The following C12orf42 variants were observed in gnomAD, a reference collection of about 807,000 sequenced individuals.
C12orf42 encodes chromosome 12 open reading frame 42, also known as uncharacterized protein C12orf42.
A neutral mutation model predicts 21.6 loss-of-function variants in C12orf42; 25 were observed. That is an observed-to-expected ratio of 1.16 (90% CI 0.84 to 1.62). The LOEUF is 1.62. C12orf42 is among the 40% of genes most tolerant of loss of function. C12orf42 has a pLI of 0.00. For missense variants in C12orf42, 483 were observed against 459.3 expected (o/e 1.05, Z -0.47); for synonymous variants, 174 against 175.0 (o/e 0.99, Z 0.05).
At chr12:103,113,997 C>A in the C12orf42 span, among the ~76,000 whole-genome samples, 7 of 152,032 alleles carry the variant, frequency 4.6e-5, no homozygotes, top group African/African-American at 1.4e-4. Flanking sequence ...TATAGTTTTT[C>A]TTTAAATAGA....
At chr12:103,373,318 C>T (rs868846126) in intron 3 of C12orf42, among the ~76,000 whole-genome samples, 55 of 152,262 alleles carry the variant, frequency 3.6e-4, no homozygotes, top group African/African-American at 1.1e-3. Context: ...CGTGTGCTAT[C>T]GGCTGTAGAT....
chr12:103,407,615 G>C (rs1472081793), intron 2 of C12orf42, among the ~76,000 whole-genome samples: 1 of 152,096 alleles, frequency 6.6e-6, no homozygotes, highest in Non-Finnish European at 1.5e-5. Context: ...TTAATTGATT[G>C]TTTCTGTTAT....
At chr12:103,500,831 A>T (rs1252859728), upstream of C12orf42, among the ~76,000 whole-genome samples, 1 of 152,248 alleles carries the variant, frequency 6.6e-6, no homozygotes. Flanking sequence ...GTGATACTGC[A>T]AAGTAAAGGA....
At chr12:103,261,758 T>C (rs1243473364) in intron 10 of C12orf42, among the ~76,000 whole-genome samples, 2 of 152,188 alleles carry the variant, frequency 1.3e-5, no homozygotes, top group African/African-American at 4.8e-5. Flanking sequence ...ATCTTAACAT[T>C]GTATTTCTTT....
chr12:103,079,265 G>C, the C12orf42 span, among the ~76,000 whole-genome samples: 1 of 152,082 alleles, frequency 6.6e-6, no homozygotes, highest in Non-Finnish European at 1.5e-5. Flanking sequence ...ACTCATACTT[G>C]GTCTTGACTC....
intron 4 of C12orf42, among the ~76,000 whole-genome samples, chr12:103,294,413 G>GAA (rs1166795101): frequency 5.6e-5 from 7 of 125,152 alleles, no homozygotes; most frequent in African/African-American, 1.3e-4. Flanking sequence ...AAGAAAGAAA[G>GAA]AGAGAAAGGA....
chr12:103,429,958 C>CA (rs1279596125), intron 2 of C12orf42, among the ~76,000 whole-genome samples: 3 of 152,116 alleles, frequency 2.0e-5, no homozygotes, highest in Non-Finnish European at 2.9e-5. Context: ...ACACGTTATA[C>CA]AAAAATTAAC....
At chr12:103,526,010 A>G in the C12orf42 span, among the ~76,000 whole-genome samples, 1 of 152,210 alleles carries the variant, frequency 6.6e-6, no homozygotes, top group East Asian at 1.9e-4. Flanking sequence ...TGGGCAAAAG[A>G]GTGAAGTTCT....
chr12:103,502,397 A>C, the C12orf42 span, among the ~76,000 whole-genome samples: 3 of 152,186 alleles, frequency 2.0e-5, no homozygotes, highest in Admixed American at 6.5e-5. Context: ...AATGAAATGC[A>C]AGCTCCTTCA....
At chr12:103,187,185 C>T in the C12orf42 span, among the ~76,000 whole-genome samples, 2 of 152,072 alleles carry the variant, frequency 1.3e-5, no homozygotes, top group African/African-American at 2.4e-5. Flanking sequence ...AGGAATAATA[C>T]TATTTATATA....
At chr12:103,066,041 G>A in the C12orf42 span, among the ~76,000 whole-genome samples, 1 of 152,174 alleles carries the variant, frequency 6.6e-6, no homozygotes, top group Non-Finnish European at 1.5e-5. Context: ...GGAGTCTTTG[G>A]CAGGCCCCCC....
intron 10 of C12orf42, among the ~76,000 whole-genome samples, chr12:103,246,286 T>C (rs866701099): frequency 2.6e-5 from 4 of 152,092 alleles, no homozygotes; most frequent in Non-Finnish European, 5.9e-5. Flanking sequence ...ATCACCTCTC[T>C]CAATACCAAA....
At chr12:103,106,667 G>A in the C12orf42 span, among the ~76,000 whole-genome samples, 11 of 151,478 alleles carry the variant, frequency 7.3e-5, no homozygotes, top group African/African-American at 2.2e-4. Context: ...ATGCATAGTC[G>A]GGGAAAAGAA....
At chr12:103,087,526 G>T in the C12orf42 span, among the ~76,000 whole-genome samples, 1 of 152,212 alleles carries the variant, frequency 6.6e-6, no homozygotes, top group Admixed American at 6.5e-5. Context: ...CTAAAAGAGT[G>T]ATAATAACTG....
chr12:103,430,503 A>G (rs1950185566), intron 2 of C12orf42, among the ~76,000 whole-genome samples: 1 of 152,216 alleles, frequency 6.6e-6, no homozygotes, highest in South Asian at 2.1e-4. Flanking sequence ...GAACACTTTT[A>G]CACTGTTGGT....
chr12:103,207,522 G>C, the C12orf42 span, among the ~76,000 whole-genome samples: 1 of 151,996 alleles, frequency 6.6e-6, no homozygotes, highest in East Asian at 2.0e-4. Context: ...TCACTTCCAA[G>C]TTAAGCTTTT....
intron 1 of C12orf42, among the ~76,000 whole-genome samples, chr12:103,479,750 TCCAATATTAAATGAA>T (rs1954327195): frequency 6.6e-6 from 1 of 152,044 alleles, no homozygotes; most frequent in Non-Finnish European, 1.5e-5. Context: ...TAACAAAATT[TCCAATATTAAATGAA>T]CCAGGCATTC....
chr12:103,497,699 C>G (rs923145028), upstream of C12orf42, among the ~76,000 whole-genome samples: 6 of 152,126 alleles, frequency 3.9e-5, no homozygotes, highest in Admixed American at 3.9e-4. Context: ...GATCCCCATC[C>G]CTGTAGAGCT....
chr12:103,320,557 T>C (rs2039987521), intron 4 of C12orf42, among the ~76,000 whole-genome samples: 1 of 152,224 alleles, frequency 6.6e-6, no homozygotes, highest in Non-Finnish European at 1.5e-5. Context: ...ATGATAGAAC[T>C]GAATGGAGCT....
Sources: gnomAD v4.1 joint callset for allele counts (sites outside exome capture counted in the v4.1 genomes callset) on GRCh38, gnomAD v4.1.1 for gene constraint, MANE v1.5 for transcripts, NCBI Gene and HGNC (gene_info 2026-07-23, HGNC 2026-07-21) for gene names.